DRC2: variants seen among roughly 807,000 people sequenced by gnomAD.
The protein encoded by DRC2 is dynein regulatory complex subunit 2.
At chr12:48,915,588 G>A in the DRC2 span, among the ~76,000 whole-genome samples, 27 of 151,778 alleles carry the variant, frequency 1.8e-4, no homozygotes, top group Admixed American at 1.6e-3. Context: ...CCGCAAAGCC[G>A]CCATTGTCAT....
At chr12:48,916,696 T>A in the DRC2 span, among the ~76,000 whole-genome samples, 2 of 151,698 alleles carry the variant, frequency 1.3e-5, no homozygotes, top group Non-Finnish European at 2.9e-5. Context: ...ATCCTACCCA[T>A]TTGGCAGGGA....
the DRC2 span, among the ~76,000 whole-genome samples, chr12:48,920,398 G>A: frequency 7.8e-5 from 9 of 115,354 alleles, no homozygotes; most frequent in Non-Finnish European, 1.3e-4. Flanking sequence ...TCGAGATCGC[G>A]CCACTGCACT....
At chr12:48,904,474 G>A in the DRC2 span, 8 of 1,613,572 alleles carry the variant, frequency 5.0e-6, no homozygotes, top group African/African-American at 1.1e-4. Context: ...TGAAGGTGAT[G>A]GCCTTTTGCA....
chr12:48,904,173 C>A, the DRC2 span: 40 of 842,028 alleles, frequency 4.8e-5, no homozygotes, highest in East Asian at 7.3e-4. Context: ...TCACTGATAG[C>A]CGGGGATCTC....
At chr12:48,906,293 A>G in the DRC2 span, among the ~76,000 whole-genome samples, 1 of 146,394 alleles carries the variant, frequency 6.8e-6, no homozygotes, top group African/African-American at 2.5e-5. Context: ...CACCAGTTAC[A>G]CCTTATGGAT....
chr12:48,919,923 C>G, the DRC2 span, among the ~76,000 whole-genome samples: 1 of 151,062 alleles, frequency 6.6e-6, no homozygotes, highest in Non-Finnish European at 1.5e-5. Context: ...GAGTTTGAGA[C>G]CACCCTGAGC....
the DRC2 span, chr12:48,921,322 T>C: frequency 2.5e-6 from 4 of 1,614,190 alleles, no homozygotes; most frequent in Middle Eastern, 3.3e-4. Context: ...GGCATCTCAG[T>C]GAGTGACGAA....
At chr12:48,906,755 G>A in the DRC2 span, among the ~76,000 whole-genome samples, 1 of 151,168 alleles carries the variant, frequency 6.6e-6, no homozygotes, top group African/African-American at 2.4e-5. Flanking sequence ...TAGTGGAGAC[G>A]GGATTTCACC....
the DRC2 span, among the ~76,000 whole-genome samples, chr12:48,907,121 G>A: frequency 2.6e-5 from 4 of 151,878 alleles, no homozygotes; most frequent in Non-Finnish European, 2.9e-5. Flanking sequence ...AGGCTGAGGC[G>A]GGAGAATGGC....
chr12:48,904,158 C>G, the DRC2 span: 2 of 747,244 alleles, frequency 2.7e-6, no homozygotes, highest in South Asian at 3.6e-5. Context: ...TGGGAGAGCT[C>G]AGCCTCACTG....
At chr12:48,920,441 T>TTTAACAAA in the DRC2 span, among the ~76,000 whole-genome samples, 1 of 67,816 alleles carries the variant, frequency 1.5e-5, no homozygotes, top group Non-Finnish European at 2.6e-5. Flanking sequence ...AACTCCATCT[T>TTTAACAAA]AAAAAAAAAA....
At chr12:48,914,345 TTTA>T in the DRC2 span, 1 of 1,492,988 alleles carries the variant, frequency 6.7e-7, no homozygotes, top group Admixed American at 2.2e-5. Flanking sequence ...TGAATATATT[TTTA>T]TTTTCTCACA....
chr12:48,915,781 AC>A, the DRC2 span, among the ~76,000 whole-genome samples: 1 of 134,586 alleles, frequency 7.4e-6, no homozygotes, highest in Admixed American at 7.4e-5. Flanking sequence ...CGGGGGGCTG[AC>A]CCCCCCACCT....
At chr12:48,909,990 G>A in the DRC2 span, among the ~76,000 whole-genome samples, 1 of 151,622 alleles carries the variant, frequency 6.6e-6, no homozygotes, top group African/African-American at 2.4e-5. Context: ...ATGTTGGCCA[G>A]GTTGGTCTGG....
At chr12:48,917,202 G>C in the DRC2 span, 8 of 1,462,416 alleles carry the variant, frequency 5.5e-6, no homozygotes, top group East Asian at 2.4e-5. Context: ...TGTAATCCCA[G>C]CACCTTGGTA....
At chr12:48,915,501 A>G in the DRC2 span, among the ~76,000 whole-genome samples, 2 of 151,244 alleles carry the variant, frequency 1.3e-5, no homozygotes, top group South Asian at 4.2e-4. Flanking sequence ...AAAGTCTCCC[A>G]TGTCTACTTC....
chr12:48,916,080 A>G, the DRC2 span, among the ~76,000 whole-genome samples: 2 of 121,316 alleles, frequency 1.6e-5, no homozygotes, highest in Admixed American at 8.7e-5. Context: ...CCCAGATGGG[A>G]TGGCGGCCAG....
At chr12:48,910,307 A>C in the DRC2 span, among the ~76,000 whole-genome samples, 1 of 152,232 alleles carries the variant, frequency 6.6e-6, no homozygotes, top group East Asian at 1.9e-4. Flanking sequence ...ATATCTTTTT[A>C]TCTCTGAATC....
chr12:48,904,340 C>G, the DRC2 span: 1 of 1,613,158 alleles, frequency 6.2e-7, no homozygotes, highest in African/African-American at 1.3e-5. Context: ...TGCCCCCATG[C>G]CTAAGAAAGA....
Sources: allele counts gnomAD v4.1 joint callset (sites outside exome capture counted in the v4.1 genomes callset), GRCh38; gene constraint gnomAD v4.1.1; transcripts MANE v1.5; gene names NCBI Gene and HGNC (gene_info 2026-07-23, HGNC 2026-07-21).